The following ROCK1 variants were observed in gnomAD, a reference collection of about 807,000 sequenced individuals.
The protein encoded by ROCK1 is Rho associated coiled-coil containing protein kinase 1.
ROCK1 carries 36 observed loss-of-function variants against 196.8 expected under a neutral mutation model. The ratio of observed to expected loss-of-function variants is 0.18; its 90% CI spans 0.14 to 0.24. The LOEUF is 0.24. Ranked by LOEUF, ROCK1 falls within the 10% of genes least tolerant of loss-of-function variation. The pLI, the probability that ROCK1 is intolerant of heterozygous loss-of-function variation, is 1.00. For synonymous variants in ROCK1, 443 were observed against 515.9 expected (o/e 0.86, Z 1.91); for missense variants, 920 against 1,562.0 (o/e 0.59, Z 6.93).
intron 9 of ROCK1, among the ~76,000 whole-genome samples, chr18:21,032,631 T>G (rs758149865): frequency 5.2e-4 from 79 of 151,030 alleles, no homozygotes; most frequent in Non-Finnish European, 8.8e-4. Flanking sequence ...AGTGATTCTC[T>G]GCCTCAGCCT....
In ROCK1 at chr18:21,041,270, TAAAAAAAAAAAA is replaced by T. The variant is rs780115669; in HGVS notation, c.959+815_959+826del. On this transcript the variant is annotated intron_variant, in intron 8 of 32. Coordinates refer to ENST00000399799, the MANE Select transcript of ROCK1 (RefSeq NM_005406.3). ...AACAGAGCAAAACCCTGTCTCTATT[TAAAAAAAAAAAA>T]AAAAAAAAAAAGTAAACATTTGAAA... Among the ~76,000 whole-genome samples the T allele has an allele frequency of 3.0e-4, 32 of 105,168 alleles. No individual in the cohort carries two copies. In the Middle Eastern group the frequency reaches 0.018, roughly 60 times the overall value. The allele number at this position is 105,168 out of a possible 152,430, so 69.0% of individuals were successfully genotyped here.
intron 21 of ROCK1, among the ~76,000 whole-genome samples, chr18:20,981,382 G>GA (rs1237497371): frequency 6.6e-6 from 1 of 151,798 alleles, no homozygotes; most frequent in Non-Finnish European, 1.5e-5. Context: ...GCAAGAGGGT[G>GA]AAACTCCGTC....
intron 19 of ROCK1, among the ~76,000 whole-genome samples, chr18:20,986,674 A>G (rs1446972450): frequency 6.6e-6 from 1 of 152,078 alleles, no homozygotes; most frequent in Non-Finnish European, 1.5e-5. Context: ...TTTAAAGCAG[A>G]TGGTCAGTTT....
At position 20,976,359 on chromosome 18, in the gene ROCK1, T is replaced by G. The variant is rs531225908; in HGVS notation, c.2654+3551A>C. On this transcript the variant is annotated intron_variant, in intron 22 of 32. Coordinates refer to ENST00000399799, the MANE Select transcript of ROCK1 (RefSeq NM_005406.3). ...GGTATATTTCAAATGCCTAGAAAAT[T>G]GTCTGGAGGGATCCAGACACACATA... Among the ~76,000 whole-genome samples the G allele has an allele frequency of 5.9e-5, 9 of 152,320 alleles. No individual in the cohort carries two copies. In the East Asian group the frequency reaches 1.5e-3, roughly 26 times the overall value.
Position 21,038,843 on chromosome 18 carries a change from T to C in ROCK1, c.1051+629A>G, listed in dbSNP as rs545562656. On this transcript the variant is annotated intron_variant, in intron 9 of 32. Coordinates refer to ENST00000399799, the MANE Select transcript of ROCK1 (RefSeq NM_005406.3). ...ATGATGAGAACCTTTGGTGTCATGA[T>C]AATTTTGATTCAGCTATGTTGTAGA... Among the ~76,000 whole-genome samples the C allele has an allele frequency of 6.6e-5, 10 of 152,362 alleles. No individual in the cohort carries two copies. In the East Asian group the frequency reaches 1.9e-3, roughly 29 times the overall value.
At chr18:21,083,474 C>T (rs1228304588) in intron 1 of ROCK1, among the ~76,000 whole-genome samples, 2 of 152,280 alleles carry the variant, frequency 1.3e-5, no homozygotes, top group African/African-American at 4.8e-5. Context: ...TAAGGACAAG[C>T]ACATACAGCT....
At chr18:21,003,435 G>C (rs1490531991) in intron 16 of ROCK1, among the ~76,000 whole-genome samples, 1 of 152,030 alleles carries the variant, frequency 6.6e-6, no homozygotes, top group South Asian at 2.1e-4. Flanking sequence ...GCACTAATTA[G>C]ATATTTTATA....
At chr18:21,017,479 C>T (rs550820464) in intron 12 of ROCK1, among the ~76,000 whole-genome samples, 51 of 151,868 alleles carry the variant, frequency 3.4e-4, no homozygotes, top group African/African-American at 1.2e-3. Context: ...CATGAGCCAC[C>T]GCACCTGGCC....
At chr18:20,981,562 T>A (rs902163687) in intron 21 of ROCK1, among the ~76,000 whole-genome samples, 6 of 152,192 alleles carry the variant, frequency 3.9e-5, no homozygotes, top group Non-Finnish European at 8.8e-5. Context: ...GTTGCTGAAG[T>A]TACAGAGTGA....
At chr18:21,028,356 C>G (rs1304544183) in intron 10 of ROCK1, among the ~76,000 whole-genome samples, 4 of 151,810 alleles carry the variant, frequency 2.6e-5, no homozygotes. Flanking sequence ...GTGGAGGTTG[C>G]AGTGAGCAAA....
intron 22 of ROCK1, among the ~76,000 whole-genome samples, chr18:20,975,849 G>T (rs368144795): frequency 2.0e-5 from 3 of 152,142 alleles, no homozygotes; most frequent in South Asian, 4.1e-4. Context: ...CTGATATTGT[G>T]ATCCGCCTGC....
chr18:21,023,397 G>GT (rs2035930598), intron 11 of ROCK1, among the ~76,000 whole-genome samples: 2 of 152,084 alleles, frequency 1.3e-5, no homozygotes, highest in East Asian at 3.9e-4. Context: ...GTCAATCTGT[G>GT]TAACAATTTA....
chr18:20,981,189 T>C (rs1401375392), intron 21 of ROCK1, among the ~76,000 whole-genome samples: 2 of 151,902 alleles, frequency 1.3e-5, no homozygotes, highest in Non-Finnish European at 2.9e-5. Flanking sequence ...GGTCAGGAGA[T>C]CGAAACCATC....
At chr18:20,955,988 T>G (rs2035238076) in intron 29 of ROCK1, among the ~76,000 whole-genome samples, 1 of 152,342 alleles carries the variant, frequency 6.6e-6, no homozygotes, top group East Asian at 1.9e-4. Context: ...ACAGGGACAC[T>G]TGTGATGGAA....
chr18:21,029,624 C>T (rs1423937032), intron 9 of ROCK1, among the ~76,000 whole-genome samples: 1 of 152,062 alleles, frequency 6.6e-6, no homozygotes, highest in Admixed American at 6.5e-5. Context: ...ATGGATATGA[C>T]ATCTTCAAGA....
chr18:21,105,853 T>C (rs1332358477), intron 1 of ROCK1, among the ~76,000 whole-genome samples: 1 of 152,072 alleles, frequency 6.6e-6, no homozygotes. Flanking sequence ...GCTGTAAGAA[T>C]GGATGAATTC....
chr18:20,951,380 A>G lies in ROCK1; in HGVS notation c.*4T>C, dbSNP rs769211120. 5.0e-6 allele frequency: 8 copies of G among 1,599,690 alleles called. No homozygotes were observed. In the Admixed American group the frequency reaches 8.6e-5, roughly 17 times the overall value. On this transcript the variant is annotated 3_prime_UTR_variant, in exon 33 of 33. Transcript: ENST00000399799. ...ACGATTCCACAGGGCACTCAGTCAC[A>G]TGGTTAACTGTTGAGGGAGGGGGAA...
chr18:21,018,975 C>G (rs1159513598), intron 12 of ROCK1, among the ~76,000 whole-genome samples: 1 of 152,070 alleles, frequency 6.6e-6, no homozygotes, highest in Non-Finnish European at 1.5e-5. Flanking sequence ...GATATTTTTT[C>G]TGTGAGTCTA....
intron 1 of ROCK1, among the ~76,000 whole-genome samples, chr18:21,109,997 G>C (rs187661906): frequency 6.6e-6 from 1 of 152,114 alleles, no homozygotes; most frequent in East Asian, 1.9e-4. Flanking sequence ...CAGAAACTCT[G>C]AACAACTTTG....
Sources: gnomAD v4.1 joint callset for allele counts (sites outside exome capture counted in the v4.1 genomes callset) on GRCh38, gnomAD v4.1.1 for gene constraint, MANE v1.5 for transcripts, NCBI Gene and HGNC (gene_info 2026-07-23, HGNC 2026-07-21) for gene names.